The following TMEM260 variants were observed in gnomAD, a reference collection of about 807,000 sequenced individuals.
TMEM260 encodes the protein transmembrane protein 260, also known as protein O-mannosyl-transferase TMEM260.
TMEM260 carries 82 observed loss-of-function variants against 88.9 expected under a neutral mutation model. The observed-to-expected ratio is 0.92, with a 90% CI of 0.77 to 1.11. The LOEUF is 1.11. Ranked by LOEUF, TMEM260 falls within the 50% of genes least tolerant of loss-of-function variation. The pLI is 0.00. For missense variants in TMEM260, 902 were observed against 853.4 expected, an observed-to-expected ratio of 1.06 and a Z score of -0.71; for synonymous variants, 314 against 309.3, an observed-to-expected ratio of 1.02 and a Z score of -0.16.
intron 3 of TMEM260, among the ~76,000 whole-genome samples, chr14:56,601,461 A>G (rs1305554020): frequency 6.6e-6 from 1 of 152,118 alleles, no homozygotes; most frequent in Non-Finnish European, 1.5e-5. Context: ...TCCTGTGGTT[A>G]AGATTGTGTC....
In TMEM260 at chr14:56,627,642, G is replaced by GTGAT. The variant is rs546006778; in HGVS notation, c.1547+2113_1547+2116dup. On this transcript the variant is annotated intron_variant, in intron 12 of 15. Coordinates refer to ENST00000261556, the MANE Select transcript of TMEM260 (RefSeq NM_017799.4). Reference sequence around the variant, plus strand: ...AAGGACATGCATTATTTAAAGGCATGTGATAGAGATATTTTTCCCCCCCAA... The same window carrying GTGAT: ...AAGGACATGCATTATTTAAAGGCATGTGATTGATAGAGATATTTTTCCCCCCCAA... Among the ~76,000 whole-genome samples the GTGAT allele has an allele frequency of 3.8e-4, 58 of 151,618 alleles. No individual in the cohort carries two copies. The East Asian group carries it at 0.011, about 28-fold the overall frequency.
rs753537727 is a variant in TMEM260, at chr14:56,585,079, T to C, written c.192+47T>C. ...TAATCAATGCTCTCATTAACAGTTT[T>C]AGGAATTAAGAAAGTTTAATTAAGC... On this transcript the variant is annotated intron_variant, in intron 2 of 15. Coordinates refer to ENST00000261556, the MANE Select transcript of TMEM260 (RefSeq NM_017799.4). 5 of 1,563,658 alleles carry C rather than the reference T, an allele frequency of 3.2e-6. No homozygotes were observed. In the Admixed American group the frequency reaches 5.6e-5, roughly 17 times the overall value.
At chr14:56,617,591 T>C (rs916975684) in intron 9 of TMEM260, among the ~76,000 whole-genome samples, 2 of 152,144 alleles carry the variant, frequency 1.3e-5, no homozygotes, top group African/African-American at 2.4e-5. Flanking sequence ...TCTCCTGGAA[T>C]TTTTTTAACA....
intron 12 of TMEM260, among the ~76,000 whole-genome samples, chr14:56,632,766 TGTTA>T (rs1372838672): frequency 6.6e-6 from 1 of 152,140 alleles, no homozygotes; most frequent in African/African-American, 2.4e-5. Flanking sequence ...GCTTTGAGAC[TGTTA>T]ATTATATTAG....
At chr14:56,636,660 C>A in intron 15 of TMEM260, 62 bp downstream of exon 15, 2 of 1,397,032 alleles carry the variant, frequency 1.4e-6, no homozygotes, top group South Asian at 1.2e-5. Context: ...GGTGATTGTT[C>A]AGAATGGATA....
chr14:56,653,741 C>CAAAAAAAAAAAAAAA (rs370392374), downstream of TMEM260, among the ~76,000 whole-genome samples: 4 of 97,906 alleles, frequency 4.1e-5, no homozygotes, highest in African/African-American at 1.6e-4. Context: ...GTCTCCAAAA[C>CAAAAAAAAAAAAAAA]AAAAAAAAAA....
At chr14:56,581,836 A>G (rs1046408077) in intron 1 of TMEM260, among the ~76,000 whole-genome samples, 1 of 152,240 alleles carries the variant, frequency 6.6e-6, no homozygotes, top group Non-Finnish European at 1.5e-5. Flanking sequence ...CTTTTCGTCA[A>G]AACATTTCAT....
downstream of TMEM260, among the ~76,000 whole-genome samples, chr14:56,652,283 T>TC (rs557251386): frequency 1.1e-4 from 16 of 151,770 alleles, no homozygotes; most frequent in Non-Finnish European, 2.2e-4. Flanking sequence ...ACCGCTTGAG[T>TC]CCGAGAGTTT....
intron 12 of TMEM260, among the ~76,000 whole-genome samples, chr14:56,626,651 A>G (rs1888260615): frequency 2.0e-5 from 3 of 152,230 alleles, no homozygotes. Flanking sequence ...TTTAACTGAC[A>G]ACATATGCCA....
At chr14:56,604,072 A>G in intron 4 of TMEM260, 80 bp downstream of exon 4, 6 of 1,363,248 alleles carry the variant, frequency 4.4e-6, no homozygotes, top group African/African-American at 1.5e-5. Context: ...TTTGGCTTAA[A>G]TACCTTTTAT....
In TMEM260 at chr14:56,579,799, A is replaced by G; in HGVS notation, c.-116A>G. On this transcript the variant is annotated 5_prime_UTR_variant, in exon 1 of 16. Coordinates refer to ENST00000261556, the MANE Select transcript of TMEM260 (RefSeq NM_017799.4). ...GTGCGGTCCAACCCGCGGAGGCTCG[A>G]CCCGGAAGCCGCCGTGGCCGCCGCA... 1 of 1,057,970 alleles carries G rather than the reference A, an allele frequency of 9.5e-7. No individual in the cohort carries two copies. 65.5% of individuals were successfully genotyped at this position (1,057,970 alleles called of 1,614,324 possible).
intron 15 of TMEM260, among the ~76,000 whole-genome samples, chr14:56,644,696 A>G (rs1482888116): frequency 7.2e-5 from 11 of 152,320 alleles, no homozygotes; most frequent in Non-Finnish European, 1.2e-4. Context: ...AAAAGAAACT[A>G]CCATCAGAGT....
At chr14:56,637,350 G>C (rs936059964) in intron 15 of TMEM260, among the ~76,000 whole-genome samples, 5 of 152,210 alleles carry the variant, frequency 3.3e-5, no homozygotes, top group African/African-American at 1.2e-4. Context: ...AGATGATAAA[G>C]AGTCATGGAG....
At position 56,603,797 on chromosome 14, in the gene TMEM260, T is replaced by C; in HGVS notation, c.345-18T>C. ...CTTTTTGTTGGAAAAGAAGATTTCATGTTATCTGTGTTTGCAGGCTTTCTG... is the reference window on the plus strand; with the variant it reads ...CTTTTTGTTGGAAAAGAAGATTTCACGTTATCTGTGTTTGCAGGCTTTCTG... On this transcript the variant is annotated intron_variant, in intron 3 of 15. Transcript: ENST00000261556. The C allele has an allele frequency of 6.2e-7, 1 of 1,613,470 alleles. No homozygotes were observed. The highest frequency in any genetic ancestry group is 8.5e-7 in the Non-Finnish European group (1 of 1,179,520).
At chr14:56,653,743 A>AC (rs1890249856), downstream of TMEM260, among the ~76,000 whole-genome samples, 1 of 134,170 alleles carries the variant, frequency 7.5e-6, no homozygotes, top group African/African-American at 3.4e-5. Context: ...CTCCAAAACA[A>AC]AAAAAAAAAA....
intron 11 of TMEM260, among the ~76,000 whole-genome samples, 164 bp downstream of exon 11, chr14:56,621,866 CTTTTT>C (rs1013230688): frequency 6.6e-6 from 1 of 151,936 alleles, no homozygotes; most frequent in Non-Finnish European, 1.5e-5. Flanking sequence ...TATGGGCATA[CTTTTT>C]TTTATTTTAA....
intron 15 of TMEM260, among the ~76,000 whole-genome samples, chr14:56,637,029 AGAAACTT>A (rs1889147531): frequency 2.0e-5 from 3 of 152,162 alleles, no homozygotes; most frequent in Non-Finnish European, 4.4e-5. Context: ...GCAGAGAGAG[AGAAACTT>A]GAACTTTGCA....
intron 3 of TMEM260, among the ~76,000 whole-genome samples, chr14:56,587,104 C>T (rs900369477): frequency 6.6e-6 from 1 of 151,664 alleles, no homozygotes; most frequent in South Asian, 2.1e-4. Context: ...AGTATTTCCA[C>T]TGAGAGAAAA....
Position 56,625,532 on chromosome 14 carries a change from T to A in TMEM260, c.1547+2T>A. The A allele has an allele frequency of 6.3e-7, 1 of 1,581,034 alleles. No individual in the cohort carries two copies. Among genetic ancestry groups the A allele is most frequent in the Non-Finnish European group, 8.6e-7 (1 of 1,156,254 alleles). ...TCATTTTCTTGAAGTAAATAAACAG[T>A]AAGCATTCTTTTTATATAATAGCTT... On this transcript the variant is annotated splice_donor_variant, in intron 12 of 15. Coordinates refer to ENST00000261556, the MANE Select transcript of TMEM260 (RefSeq NM_017799.4). LOFTEE classifies it high-confidence loss of function.
Sources: allele counts gnomAD v4.1 joint callset (sites outside exome capture counted in the v4.1 genomes callset), GRCh38; gene constraint gnomAD v4.1.1; transcripts MANE v1.5; gene names NCBI Gene and HGNC (gene_info 2026-07-23, HGNC 2026-07-21).